TRIM44: variants seen among roughly 807,000 people sequenced by gnomAD.
TRIM44 encodes tripartite motif-containing protein 44.
A neutral mutation model predicts 37.4 loss-of-function variants in TRIM44; 13 were observed. That is an observed-to-expected ratio of 0.35 (90% CI 0.23 to 0.55). TRIM44 has a LOEUF of 0.55. Among genes scored for constraint, TRIM44 ranks in the 20% least tolerant of loss-of-function variants. The pLI is 0.89. For missense variants in TRIM44, 426 were observed against 437.2 expected (o/e 0.97, Z 0.23); for synonymous variants, 175 against 157.2 (o/e 1.11, Z -0.85).
intron 4 of TRIM44, among the ~76,000 whole-genome samples, chr11:35,763,438 G>A (rs1007695133): frequency 6.6e-6 from 1 of 152,202 alleles, no homozygotes; most frequent in Admixed American, 6.5e-5. Flanking sequence ...AAGGGAGAAG[G>A]ATGGAGCTAA....
intron 4 of TRIM44, among the ~76,000 whole-genome samples, chr11:35,743,352 T>C (rs1409958199): frequency 6.6e-6 from 1 of 152,200 alleles, no homozygotes; most frequent in Non-Finnish European, 1.5e-5. Flanking sequence ...TGCCCCCTTA[T>C]AGAAGAAATG....
intron 4 of TRIM44, among the ~76,000 whole-genome samples, chr11:35,740,655 A>G (rs1338722418): frequency 1.3e-5 from 2 of 152,148 alleles, no homozygotes; most frequent in Non-Finnish European, 1.5e-5. Context: ...CAGCAGACCT[A>G]GCTTCTATTT....
chr11:35,815,244 A>T lies in TRIM44; in HGVS notation c.*8859A>T, dbSNP rs921466321. The T allele has an allele frequency of 6.6e-6, 1 of 152,146 alleles. No homozygotes were observed. The highest frequency in any genetic ancestry group is 1.5e-5 in the Non-Finnish European group (1 of 68,028). The allele number at this position is 152,146 out of a possible 1,614,324, so 9.4% of individuals were successfully genotyped here. ...TTGTTGCCTCACTGTTTTTATTAGG[A>T]CATCTGGAGATTAGAGGTGTTAATT... is the stretch of plus-strand genomic sequence containing the variant. On this transcript the variant is annotated 3_prime_UTR_variant, in exon 5 of 5. Coordinates refer to ENST00000299413, the MANE Select transcript of TRIM44 (RefSeq NM_017583.6).
At chr11:35,785,368 T>G (rs1853117949) in intron 4 of TRIM44, among the ~76,000 whole-genome samples, 1 of 152,264 alleles carries the variant, frequency 6.6e-6, no homozygotes, top group Non-Finnish European at 1.5e-5. Flanking sequence ...AGAATAGCCT[T>G]GCTTCAACCT....
intron 3 of TRIM44, among the ~76,000 whole-genome samples, chr11:35,733,466 C>T (rs1434196677): frequency 6.6e-6 from 1 of 152,186 alleles, no homozygotes; most frequent in African/African-American, 2.4e-5. Flanking sequence ...AATTATATAA[C>T]TTTTTATTGG....
At chr11:35,806,260 G>A (rs576809650) in intron 4 of TRIM44, 98 bp from the exon 5 acceptor site, 3 of 1,326,360 alleles carry the variant, frequency 2.3e-6, no homozygotes, top group Admixed American at 3.5e-5. Flanking sequence ...CTTAATTCCA[G>A]GTATGTCTGA....
At chr11:35,759,326 C>G (rs1324045734) in intron 4 of TRIM44, among the ~76,000 whole-genome samples, 1 of 152,198 alleles carries the variant, frequency 6.6e-6, no homozygotes, top group East Asian at 1.9e-4. Flanking sequence ...TCACGTAGTT[C>G]ACATGCCATG....
chr11:35,751,404 C>G (rs960351384), intron 4 of TRIM44, among the ~76,000 whole-genome samples: 3 of 152,150 alleles, frequency 2.0e-5, no homozygotes, highest in Admixed American at 6.6e-5. Context: ...AGAAATTTCT[C>G]TAATATGGCC....
At chr11:35,713,294 C>T (rs1298238190) in intron 2 of TRIM44, among the ~76,000 whole-genome samples, 2 of 152,136 alleles carry the variant, frequency 1.3e-5, no homozygotes, top group Non-Finnish European at 2.9e-5. Context: ...TTTATTTAGA[C>T]ATTATGATCC....
At chr11:35,749,324 T>C (rs1040999077) in intron 4 of TRIM44, among the ~76,000 whole-genome samples, 1 of 152,160 alleles carries the variant, frequency 6.6e-6, no homozygotes, top group Admixed American at 6.5e-5. Flanking sequence ...AAATCTGTTA[T>C]AGAAAATAAA....
chr11:35,696,344 A>G (rs896954278), intron 2 of TRIM44, among the ~76,000 whole-genome samples: 104 of 151,106 alleles, frequency 6.9e-4, no homozygotes, highest in Middle Eastern at 6.9e-3. Flanking sequence ...GGGTTTCACC[A>G]TGTTAGCCAG....
intron 2 of TRIM44, among the ~76,000 whole-genome samples, chr11:35,703,120 C>T (rs1358944326): frequency 3.3e-5 from 5 of 152,200 alleles, no homozygotes; most frequent in African/African-American, 4.8e-5. Context: ...GCACATGGCT[C>T]GGAGGGTCCT....
intron 4 of TRIM44, among the ~76,000 whole-genome samples, chr11:35,788,984 C>A (rs1853165695): frequency 1.3e-5 from 2 of 152,298 alleles, no homozygotes; most frequent in East Asian, 3.9e-4. Context: ...GCCTGAGGCC[C>A]TAAAAATAGT....
intron 3 of TRIM44, among the ~76,000 whole-genome samples, chr11:35,732,547 G>A (rs1852275390): frequency 6.6e-6 from 1 of 152,134 alleles, no homozygotes; most frequent in South Asian, 2.1e-4. Flanking sequence ...CAAAACACAA[G>A]TTCTATTCTC....
rs1851284540 is a variant in TRIM44 at position 35,662,843 on chromosome 11, G to A, written c.-269G>A. On this transcript the variant is annotated 5_prime_UTR_variant, in exon 1 of 5. Coordinates refer to ENST00000299413, the MANE Select transcript of TRIM44 (RefSeq NM_017583.6). ...GCGGCGCGACGCGGGGGCCGACGGG[G>A]GCGCCGGGTGGCCGCGCCGGAAGTG... is the stretch of plus-strand genomic sequence containing the variant. The A allele has an allele frequency of 8.5e-6, 3 of 354,312 alleles. No individual in the cohort carries two copies. Among genetic ancestry groups the A allele is most frequent in the Non-Finnish European group, 1.4e-5 (3 of 214,206 alleles). The allele number at this position is 354,312 out of a possible 1,614,324, so 21.9% of individuals were successfully genotyped here. A position where few individuals can be genotyped will look rare whatever the true frequency, so the allele number is the denominator to read the frequency against.
Position 35,792,111 on chromosome 11 carries a change from A to ACACACACACACACACACACACACACT in TRIM44, c.1008-14246_1008-14245insACACACACACACACACACACACACTC, listed in dbSNP as rs796092540. Among the ~76,000 whole-genome samples, 88 of 114,336 alleles carry ACACACACACACACACACACACACACT rather than the reference A, an allele frequency of 7.7e-4. 1 individual carries two copies. The highest frequency in any genetic ancestry group is 2.8e-3 in the Admixed American group (33 of 11,986). The allele number at this position is 114,336 out of a possible 152,430, so 75.0% of individuals were successfully genotyped here. A position where few individuals can be genotyped will look rare whatever the true frequency, so the allele number is the denominator to read the frequency against. Reference sequence around the variant, plus strand: ...CACACACACACACACACACACACACACTCTCTCTCATCATTCTCTATTCCA... The same window carrying ACACACACACACACACACACACACACT: ...CACACACACACACACACACACACACACACACACACACACACACACACACACTCTCTCTCTCATCATTCTCTATTCCA... On this transcript the variant is annotated intron_variant, in intron 4 of 4. Transcript: ENST00000299413.
At chr11:35,730,192 C>G (rs999375261) in intron 3 of TRIM44, among the ~76,000 whole-genome samples, 2 of 152,018 alleles carry the variant, frequency 1.3e-5, no homozygotes, top group African/African-American at 4.8e-5. Flanking sequence ...AATTTTAGAA[C>G]TGAAAAATAC....
At chr11:35,681,254 A>G (rs1284581551) in intron 1 of TRIM44, among the ~76,000 whole-genome samples, 1 of 152,218 alleles carries the variant, frequency 6.6e-6, no homozygotes, top group Non-Finnish European at 1.5e-5. Context: ...TCAGCTGTAA[A>G]GTGAGAATAC....
chr11:35,728,867 A>G (rs549253580), intron 3 of TRIM44, among the ~76,000 whole-genome samples: 14 of 152,062 alleles, frequency 9.2e-5, no homozygotes. Flanking sequence ...CATCTTTTCA[A>G]CCTTCCACTC....
Sources: gnomAD v4.1 joint callset for allele counts (sites outside exome capture counted in the v4.1 genomes callset) on GRCh38, gnomAD v4.1.1 for gene constraint, MANE v1.5 for transcripts, NCBI Gene and HGNC (gene_info 2026-07-23, HGNC 2026-07-21) for gene names.